SUFU: variants seen among roughly 807,000 people sequenced by gnomAD.
SUFU encodes the protein SUFU negative regulator of hedgehog signaling.
In SUFU, 7 loss-of-function variants were observed where a neutral mutation model predicts 58.9. The ratio of observed to expected loss-of-function variants is 0.12; its 90% CI spans 0.07 to 0.22. The LOEUF (loss-of-function observed/expected upper bound fraction) is 0.22. Ranked by LOEUF, SUFU falls within the 10% of genes least tolerant of loss-of-function variation. The pLI is 1.00. For missense variants in SUFU, 451 were observed against 641.3 expected (o/e 0.70, Z 3.20); for synonymous variants, 232 against 254.8 (o/e 0.91, Z 0.85).
intron 2 of SUFU, among the ~76,000 whole-genome samples, chr10:102,545,293 A>ATTT (rs1162195255): frequency 8.5e-4 from 90 of 106,208 alleles, no homozygotes; most frequent in South Asian, 1.6e-3. Context: ...TAATTTTTGT[A>ATTT]TTTTTTTTTT....
At chr10:102,597,957 A>C (rs1311900635) in intron 7 of SUFU, among the ~76,000 whole-genome samples, 1 of 152,204 alleles carries the variant, frequency 6.6e-6, no homozygotes, top group East Asian at 1.9e-4. Context: ...TGCAAAGGAG[A>C]AGCAGCCACT....
intron 8 of SUFU, 36 bp downstream of exon 8, chr10:102,599,580 G>T (rs1484943249): frequency 6.3e-7 from 1 of 1,580,820 alleles, no homozygotes; most frequent in African/African-American, 1.3e-5. Flanking sequence ...GGAACAAGAG[G>T]ACGACTTTTT....
At chr10:102,561,731 C>T (rs1312263852) in intron 3 of SUFU, among the ~76,000 whole-genome samples, 16 of 136,920 alleles carry the variant, frequency 1.2e-4, no homozygotes, top group East Asian at 6.8e-4. Context: ...TCCAGTGGTA[C>T]GATTATGGCT....
intron 2 of SUFU, among the ~76,000 whole-genome samples, chr10:102,540,303 T>C (rs1448428362): frequency 6.6e-6 from 1 of 152,188 alleles, no homozygotes; most frequent in Non-Finnish European, 1.5e-5. Context: ...TATTTCCATA[T>C]TGGTTTCTCT....
rs553230042 is a variant in SUFU at position 102,609,511 on chromosome 10, CA to C, written c.1023-5752del. 2.5e-3 allele frequency among the ~76,000 whole-genome samples: 376 copies of C among 152,252 alleles called. 6 individuals carry two copies. The highest frequency in any genetic ancestry group is 5.6e-4 in the Non-Finnish European group (38 of 68,008). Reference sequence around the variant, plus strand: ...CTTGCAAAAAAAGTGCAATGACCAGCAAAAAGGACATTATTTTTGTACTTCT... The same window carrying C: ...CTTGCAAAAAAAGTGCAATGACCAGCAAAAGGACATTATTTTTGTACTTCT... On this transcript the variant is annotated intron_variant, in intron 8 of 11. Coordinates refer to ENST00000369902, the MANE Select transcript of SUFU (RefSeq NM_016169.4).
rs771832461 is a variant in SUFU, at chr10:102,617,407, G to A, written c.1275G>A (p.Ala425=). Residue 425 remains alanine, a synonymous_variant, in exon 10 of 12, where the codon GCG becomes GCA. Coordinates refer to ENST00000369902, the MANE Select transcript of SUFU (RefSeq NM_016169.4). The surrounding 1 kb of genome is among the most constrained non-coding windows in gnomAD (Gnocchi z 4.4). ...TTGCCACTGAGGAGCATCCTTACGC[G>A]GCTCATGGACCCTGGTTACAAGTGA... ...GAFATEEHPY[A]AHGPWLQILL... The A allele has an allele frequency of 6.2e-6, 10 of 1,614,080 alleles. No individual in the cohort carries two copies. In the Admixed American group the frequency reaches 6.7e-5, roughly 11 times the overall value.
intron 2 of SUFU, among the ~76,000 whole-genome samples, chr10:102,548,434 C>T (rs575644090): frequency 3.3e-5 from 5 of 152,088 alleles, no homozygotes; most frequent in Admixed American, 6.6e-5. Flanking sequence ...AAAGATGCCA[C>T]GTGGAATTCT....
At chr10:102,547,442 A>G (rs928457128) in intron 2 of SUFU, among the ~76,000 whole-genome samples, 5 of 152,200 alleles carry the variant, frequency 3.3e-5, no homozygotes, top group African/African-American at 1.2e-4. Context: ...TGGTCTCCAA[A>G]ATTCCACGTG....
intron 11 of SUFU, among the ~76,000 whole-genome samples, chr10:102,627,894 G>A (rs537146508): frequency 3.3e-5 from 5 of 152,110 alleles, no homozygotes; most frequent in Non-Finnish European, 7.4e-5. Context: ...CCTTATTTGC[G>A]AGGGCTTACC....
intron 3 of SUFU, among the ~76,000 whole-genome samples, chr10:102,564,853 G>A (rs4917971): frequency 0.99 from 151,278 of 152,354 alleles, 75,110 homozygotes; most frequent in East Asian, 1. Flanking sequence ...CTGACCAACT[G>A]TAAGACAAAA....
At chr10:102,557,881 C>T (rs11191336) in intron 3 of SUFU, among the ~76,000 whole-genome samples, 6,399 of 151,728 alleles carry the variant, frequency 0.042, 438 homozygotes, top group African/African-American at 0.15. Context: ...CTTTTAACTT[C>T]GGTGTTTTGT....
upstream of SUFU, chr10:102,503,939 T>G (rs2062282546): frequency 3.4e-6 from 2 of 595,144 alleles, no homozygotes; most frequent in East Asian, 3.5e-5. Context: ...CCCGCCCCCC[T>G]TAGCGCCCCG....
intron 2 of SUFU, among the ~76,000 whole-genome samples, chr10:102,543,136 A>T (rs2062821453): frequency 6.6e-6 from 1 of 152,150 alleles, no homozygotes; most frequent in African/African-American, 2.4e-5. Context: ...GTACTGCCTA[A>T]TTCTCCTCCA....
intron 2 of SUFU, among the ~76,000 whole-genome samples, chr10:102,526,590 T>C (rs1278624560): frequency 6.6e-6 from 1 of 152,096 alleles, no homozygotes; most frequent in Non-Finnish European, 1.5e-5. Context: ...GGGATGGTAC[T>C]CTGGAGCTTA....
intron 2 of SUFU, among the ~76,000 whole-genome samples, chr10:102,522,496 C>CCCCA (rs2062562127): frequency 6.6e-6 from 1 of 152,168 alleles, no homozygotes; most frequent in African/African-American, 2.4e-5. Context: ...TTACAGAGTG[C>CCCCA]CCCAGGGTCC....
chr10:102,572,623 C>T (rs1054674529), intron 3 of SUFU: 8 of 455,936 alleles, frequency 1.8e-5, no homozygotes, highest in Admixed American at 9.7e-5. Context: ...CCCCTGACCT[C>T]GTGATCCACC....
chr10:102,564,579 C>T (rs1017521629), intron 3 of SUFU, among the ~76,000 whole-genome samples: 3 of 152,172 alleles, frequency 2.0e-5, no homozygotes, highest in Non-Finnish European at 4.4e-5. Context: ...GTGATCCACC[C>T]GCCTTGGCCT....
chr10:102,603,790 TTTGA>T (rs1490957379), intron 8 of SUFU, among the ~76,000 whole-genome samples: 1 of 152,224 alleles, frequency 6.6e-6, no homozygotes, highest in African/African-American at 2.4e-5. Flanking sequence ...CTGTTTGGCC[TTTGA>T]TTGGGGTGAC....
intron 3 of SUFU, among the ~76,000 whole-genome samples, chr10:102,569,261 G>A (rs79816358): frequency 2.6e-5 from 4 of 152,118 alleles, no homozygotes; most frequent in East Asian, 1.9e-4. Flanking sequence ...GGCCCCTGCC[G>A]CGGCTGCCAC....
Sources: gnomAD v4.1 joint callset for allele counts (sites outside exome capture counted in the v4.1 genomes callset) on GRCh38, gnomAD v4.1.1 for gene constraint, Gnocchi (gnomAD v3.1) non-coding constraint, MANE v1.5 for transcripts, NCBI Gene and HGNC (gene_info 2026-07-23, HGNC 2026-07-21) for gene names.